MAGED1: variants seen among roughly 807,000 people sequenced by gnomAD.
MAGED1 encodes MAGE family member D1.
In MAGED1, 3 loss-of-function variants were observed where a neutral mutation model predicts 54.1. The ratio of observed to expected loss-of-function variants is 0.06; its 90% CI spans 0.03 to 0.14. The LOEUF (loss-of-function observed/expected upper bound fraction) is 0.14, where lower values mean the gene tolerates loss of function less well. MAGED1 is among the 10% of genes least tolerant of loss of function. The pLI is 1.00. For synonymous variants in MAGED1, 217 were observed against 227.3 expected (o/e 0.95, Z 0.41); for missense variants, 485 against 623.4 (o/e 0.78, Z 2.36).
At chrX:51,827,528 A>G (rs1424353963) in intron 1 of MAGED1, among the ~76,000 whole-genome samples, 1 of 111,826 alleles carries the variant, frequency 8.9e-6, no homozygotes, top group Non-Finnish European at 1.9e-5. Context: ...CCCCAATGTA[A>G]ACTATGAACT....
At chrX:51,884,163 T>G (rs1199839243) in intron 1 of MAGED1, among the ~76,000 whole-genome samples, 1 of 111,036 alleles carries the variant, frequency 9.0e-6, no homozygotes, top group Non-Finnish European at 1.9e-5. Flanking sequence ...ATTGAGTGAT[T>G]CAAGAAGCTG....
upstream of MAGED1, among the ~76,000 whole-genome samples, chrX:51,893,186 G>A (rs782104102): frequency 8.1e-5 from 9 of 110,881 alleles, no homozygotes; most frequent in African/African-American, 3.0e-4. Flanking sequence ...CGTTTCCTCA[G>A]CAGAGGTCTA....
intron 1 of MAGED1, among the ~76,000 whole-genome samples, chrX:51,831,437 C>A (rs782259896): frequency 9.0e-5 from 10 of 110,645 alleles, no homozygotes; most frequent in Non-Finnish European, 1.9e-4. Context: ...CACAGGGAGA[C>A]CCCATCTCTA....
intron 1 of MAGED1, among the ~76,000 whole-genome samples, chrX:51,813,565 C>G (rs188327117): frequency 1.4e-4 from 16 of 111,996 alleles, no homozygotes; most frequent in Admixed American, 5.7e-4. Flanking sequence ...CTTGCTGTCC[C>G]CAGAAATGCA....
chrX:51,901,542 C>A lies in MAGED1; in HGVS notation c.1960-11C>A. ...AATGGATTTTGTTTTGTTTTCTATT[C>A]CTCATCTCAGGTTCAGAAAAGAGAC... is the stretch of plus-strand genomic sequence containing the variant. On this transcript the variant is annotated splice_polypyrimidine_tract_variant and intron_variant, in intron 11 of 12. Coordinates refer to ENST00000326587, the MANE Select transcript of MAGED1 (RefSeq NM_006986.4). 1 of 1,140,568 alleles carries A rather than the reference C, an allele frequency of 8.8e-7. No individual in the cohort carries two copies. Among genetic ancestry groups the A allele is most frequent in the Admixed American group, 3.0e-5 (1 of 33,884 alleles). 94.0% of individuals were successfully genotyped at this position (1,140,568 alleles called of 1,213,427 possible). A position where few individuals can be genotyped will look rare whatever the true frequency, so the allele number is the denominator to read the frequency against.
Position 51,901,747 on chromosome X carries a change from T to C in MAGED1, c.2154T>C (p.Asp718=). 1 of 1,211,369 alleles carries C rather than the reference T, an allele frequency of 8.3e-7. No individual in the cohort carries two copies. Among genetic ancestry groups the C allele is most frequent in the African/African-American group, 1.7e-5 (1 of 57,654 alleles). Residue 718 remains aspartate, a synonymous_variant, in exon 12 of 13, where the codon GAT becomes GAC. Coordinates refer to ENST00000326587, the MANE Select transcript of MAGED1 (RefSeq NM_006986.4). ...TTGAGTTTGAGCTGCTGACCTGGGA[T>C]GAGGAAGGAGATTTTGGAGATCCCT... ...DDIEFELLTW[D]EEGDFGDPWS...
rs182030109 is a variant in MAGED1 at position 51,871,815 on chromosome X, G to C, written c.-36-22454G>C. ...AGTAATGGGATGGCTGGGTCAAATG[G>C]TATTTCTAGTTCTAGATCCCTGAGG... On this transcript the variant is annotated intron_variant, in intron 1 of 12. Coordinates refer to the MAGED1 transcript ENST00000375772. Among the ~76,000 whole-genome samples, 786 of 111,626 alleles carry C rather than the reference G, an allele frequency of 7.0e-3. 4 individuals carry two copies. Among genetic ancestry groups the C allele is most frequent in the African/African-American group, 0.025 (756 of 30,687 alleles).
At chrX:51,841,028 TGA>T (rs1358383520) in intron 1 of MAGED1, among the ~76,000 whole-genome samples, 1 of 109,312 alleles carries the variant, frequency 9.1e-6, no homozygotes, top group African/African-American at 3.3e-5. Flanking sequence ...CCACAATGGT[TGA>T]ACTAGTTTAC....
chrX:51,810,139 T>C (rs934302608), intron 1 of MAGED1, among the ~76,000 whole-genome samples: 7 of 110,432 alleles, frequency 6.3e-5, no homozygotes, highest in African/African-American at 2.3e-4. Flanking sequence ...TAGGAGCCCC[T>C]TCTGTTTTCA....
chrX:51,828,024 T>G (rs1557357078), intron 1 of MAGED1, among the ~76,000 whole-genome samples: 1 of 112,245 alleles, frequency 8.9e-6, no homozygotes, highest in African/African-American at 3.2e-5. Flanking sequence ...TTCATGTATA[T>G]TTTTTAGATT....
At chrX:51,814,988 A>T (rs1925364634) in intron 1 of MAGED1, among the ~76,000 whole-genome samples, 1 of 105,510 alleles carries the variant, frequency 9.5e-6, no homozygotes, top group Non-Finnish European at 1.9e-5. Flanking sequence ...AAAAAAAAAA[A>T]AGAAATTAGC....
At chrX:51,882,446 A>G (rs1266886915) in intron 1 of MAGED1, among the ~76,000 whole-genome samples, 1 of 110,925 alleles carries the variant, frequency 9.0e-6, no homozygotes, top group Non-Finnish European at 1.9e-5. Flanking sequence ...TAAACAAAAC[A>G]TAAGAAGACC....
chrX:51,900,365 G>T, intron 11 of MAGED1, 69 bp downstream of exon 11: 1 of 876,796 alleles, frequency 1.1e-6, no homozygotes, highest in Non-Finnish European at 1.6e-6. Context: ...AAAGGCCCAG[G>T]GTAGGAATGA....
chrX:51,842,417 G>A (rs1262974468), intron 1 of MAGED1, among the ~76,000 whole-genome samples: 1 of 111,205 alleles, frequency 9.0e-6, no homozygotes, highest in Non-Finnish European at 1.9e-5. Context: ...TAGTATACTT[G>A]CTATAGCTTT....
At chrX:51,820,595 T>C (rs1557356449) in intron 1 of MAGED1, among the ~76,000 whole-genome samples, 1 of 111,574 alleles carries the variant, frequency 9.0e-6, no homozygotes, top group Non-Finnish European at 1.9e-5. Context: ...TAAATGGACT[T>C]GTTTTCTTTT....
intron 1 of MAGED1, among the ~76,000 whole-genome samples, chrX:51,827,961 C>G (rs1925918004): frequency 9.0e-6 from 1 of 111,608 alleles, no homozygotes; most frequent in Admixed American, 9.5e-5. Flanking sequence ...CATGAGTCCT[C>G]TAACTTGGTT....
chrX:51,902,133 CT>C lies in MAGED1; in HGVS notation c.*9-11del. ...TCATTGATTTTTTTACTTCTTCTTT[CT>C]TATGTTCACAGATATTGCTATCAAT... On this transcript the variant is annotated splice_polypyrimidine_tract_variant and intron_variant, in intron 12 of 12. Transcript: ENST00000326587. The C allele has an allele frequency of 2.7e-6, 1 of 366,145 alleles. No individual in the cohort carries two copies. Among genetic ancestry groups the C allele is most frequent in the East Asian group, 4.2e-5 (1 of 23,664 alleles). The allele number at this position is 366,145 out of a possible 1,213,427, so 30.2% of individuals were successfully genotyped here.
chrX:51,847,223 C>T (rs1331517712), intron 1 of MAGED1, among the ~76,000 whole-genome samples: 2 of 111,559 alleles, frequency 1.8e-5, no homozygotes, highest in Non-Finnish European at 3.8e-5. Context: ...CATCCCATTT[C>T]CCTTGTTTCC....
At position 51,895,182 on chromosome X, in the gene MAGED1, G is replaced by A. The variant is rs375273111; in HGVS notation, c.175G>A (p.Ala59Thr). The A allele has an allele frequency of 1.1e-5, 13 of 1,210,280 alleles. No homozygotes were observed. The highest frequency in any genetic ancestry group is 1.7e-5 in the African/African-American group (1 of 57,259). ...TCCCCAGAGTTCACAGCCCCCAACTGCCAATGAGATGGCTGACATTCAGGT... is the reference window on the plus strand; with the variant it reads ...TCCCCAGAGTTCACAGCCCCCAACTACCAATGAGATGGCTGACATTCAGGT... ...ASPQSSQPPT[A>T]NEMADIQVSA... Residue 59 changes from alanine to threonine, a missense_variant, in exon 3 of 13, where the codon GCC becomes ACC. Around this residue, in one of 2 missense-constraint regions of MAGED1, gnomAD observed 299 missense variants for 293.1 expected, o/e 1.02. Coordinates refer to ENST00000326587, the MANE Select transcript of MAGED1 (RefSeq NM_006986.4).
Sources: allele counts gnomAD v4.1 joint callset (sites outside exome capture counted in the v4.1 genomes callset), GRCh38; gene constraint gnomAD v4.1.1; regional missense constraint gnomAD v4.1.1; transcripts MANE v1.5; gene names NCBI Gene and HGNC (gene_info 2026-07-23, HGNC 2026-07-21).